Variants in NRG3 observed in about 807,000 individuals in gnomAD.
NRG3 encodes neuregulin 3.
Under a neutral mutation model 66.9 loss-of-function variants are expected in NRG3, and 31 were observed. That is an observed-to-expected ratio of 0.46 (90% CI 0.35 to 0.63). The LOEUF (loss-of-function observed/expected upper bound fraction) is 0.63, where lower values mean the gene tolerates loss of function less well. Among genes scored for constraint, NRG3 ranks in the 20% least tolerant of loss-of-function variants. The pLI is 0.00. For missense variants in NRG3, 910 were observed against 878.9 expected (o/e 1.04, Z -0.45); for synonymous variants, 393 against 359.4 (o/e 1.09, Z -1.06).
At chr10:82,188,137 G>A (rs2073919721) in intron 1 of NRG3, among the ~76,000 whole-genome samples, 1 of 152,072 alleles carries the variant, frequency 6.6e-6, no homozygotes, top group African/African-American at 2.4e-5. Flanking sequence ...GAACAGAATA[G>A]AGAGCCCAGA....
intron 4 of NRG3, among the ~76,000 whole-genome samples, chr10:82,881,509 A>G (rs1842295910): frequency 6.6e-6 from 1 of 152,180 alleles, no homozygotes. Context: ...CAAGATGTCT[A>G]TCTTCTAGAG....
chr10:82,088,277 A>C (rs1236970840), intron 1 of NRG3, among the ~76,000 whole-genome samples: 1 of 151,614 alleles, frequency 6.6e-6, no homozygotes, highest in Non-Finnish European at 1.5e-5. Flanking sequence ...GCCTACTTGG[A>C]CTGTGATTTC....
At chr10:82,104,024 C>A (rs11192515) in intron 1 of NRG3, among the ~76,000 whole-genome samples, 9,267 of 151,278 alleles carry the variant, frequency 0.061, 427 homozygotes, top group East Asian at 0.24. Flanking sequence ...AATTAGTCCA[C>A]CCTCATGTCA....
intron 1 of NRG3, chr10:82,340,993 A>G (rs1410926705): frequency 6.6e-6 from 1 of 152,148 alleles, no homozygotes; most frequent in African/African-American, 2.4e-5. Context: ...GTGTAATAGG[A>G]TTGTTTGTAA....
intron 1 of NRG3, among the ~76,000 whole-genome samples, chr10:82,074,106 A>G (rs1293147821): frequency 6.6e-6 from 1 of 151,712 alleles, no homozygotes; most frequent in Admixed American, 6.6e-5. Context: ...TTTGGGAATG[A>G]AGGACAACGT....
chr10:82,722,519 A>G (rs1246986593), intron 2 of NRG3, among the ~76,000 whole-genome samples: 8 of 152,126 alleles, frequency 5.3e-5, no homozygotes, highest in Non-Finnish European at 1.5e-5. Context: ...TTAAAAATGC[A>G]AAAAAATATA....
At chr10:82,850,742 G>A (rs1176290179) in intron 3 of NRG3, among the ~76,000 whole-genome samples, 2 of 133,568 alleles carry the variant, frequency 1.5e-5, no homozygotes, top group Non-Finnish European at 3.3e-5. Context: ...TAAAAACACA[G>A]AAGTTTAAAA....
chr10:82,206,154 A>G (rs1490449493), intron 1 of NRG3, among the ~76,000 whole-genome samples: 1 of 152,006 alleles, frequency 6.6e-6, no homozygotes, highest in African/African-American at 2.4e-5. Flanking sequence ...TACCACCTTA[A>G]TCTCTCCTGC....
intron 1 of NRG3, among the ~76,000 whole-genome samples, chr10:81,907,155 G>A (rs12259154): frequency 0.077 from 11,718 of 152,082 alleles, 1,000 homozygotes; most frequent in East Asian, 0.22. Flanking sequence ...CACCTGATCT[G>A]TTTCTAGGAG....
rs148312690 is a variant in NRG3, at chr10:82,074,219, C to T, written c.823+198056C>T. On this transcript the variant is annotated intron_variant, in intron 1 of 8. Coordinates refer to ENST00000372141, the MANE Select transcript of NRG3 (RefSeq NM_001010848.4). The stretch of plus-strand genomic sequence containing the variant: ...TGAATTTCTGGGGTGGGGTGTTCCA[C>T]GTGAGGTTCTAAGGCAGAATCATCC... Among the ~76,000 whole-genome samples the T allele has an allele frequency of 3.0e-4, 45 of 152,086 alleles. No homozygotes were observed. The East Asian group carries it at 6.0e-3, about 20-fold the overall frequency.
At chr10:82,161,525 G>A (rs1229559037) in intron 1 of NRG3, among the ~76,000 whole-genome samples, 2 of 152,054 alleles carry the variant, frequency 1.3e-5, no homozygotes, top group Non-Finnish European at 2.9e-5. Flanking sequence ...TAGACATGCC[G>A]AGGTAGATAT....
chr10:82,891,883 GAATT>G (rs1843180079), intron 4 of NRG3, among the ~76,000 whole-genome samples: 1 of 151,918 alleles, frequency 6.6e-6, no homozygotes, highest in Non-Finnish European at 1.5e-5. Context: ...AATTTACCTT[GAATT>G]ATGATTTTGC....
intron 3 of NRG3, among the ~76,000 whole-genome samples, chr10:82,837,740 G>A (rs490164): frequency 0.18 from 27,053 of 152,010 alleles, 2,724 homozygotes; most frequent in African/African-American, 0.29. Flanking sequence ...TAATGCTGTT[G>A]AGAAAAAGAA....
In NRG3 at chr10:82,398,524, T is replaced by TGAGAGA. The variant is rs1488757627; in HGVS notation, c.953+39657_953+39658insAGAGAG. On this transcript the variant is annotated intron_variant, in intron 2 of 8. Transcript: ENST00000372141. ...GTGTGTGTGTGTGTGTGTGTGTGTG[T>TGAGAGA]GTGAGAGAGAGAGAGAGAGAGTATG... is the stretch of plus-strand genomic sequence containing the variant. Among the ~76,000 whole-genome samples the TGAGAGA allele has an allele frequency of 7.1e-3, 1,007 of 141,120 alleles. 10 individuals carry two copies. Among genetic ancestry groups the TGAGAGA allele is most frequent in the African/African-American group, 0.024 (877 of 37,064 alleles). The allele number at this position is 141,120 out of a possible 152,430, so 92.6% of individuals were successfully genotyped here. A position where few individuals can be genotyped will look rare whatever the true frequency, so the allele number is the denominator to read the frequency against.
At chr10:82,048,914 G>A (rs967503016) in intron 1 of NRG3, among the ~76,000 whole-genome samples, 1 of 151,738 alleles carries the variant, frequency 6.6e-6, no homozygotes, top group Non-Finnish European at 1.5e-5. Context: ...ATGATAAAGG[G>A]GATATCACCA....
chr10:82,107,024 A>C (rs1422755680), intron 1 of NRG3, among the ~76,000 whole-genome samples: 1 of 152,230 alleles, frequency 6.6e-6, no homozygotes, highest in East Asian at 1.9e-4. Flanking sequence ...GAGGAGCTAG[A>C]CATGGGCACA....
chr10:82,308,983 A>G (rs1370282947), intron 1 of NRG3, among the ~76,000 whole-genome samples: 4 of 152,182 alleles, frequency 2.6e-5, no homozygotes, highest in Admixed American at 2.0e-4. Flanking sequence ...TCACTGGTTT[A>G]TCTCTCCCTC....
intron 3 of NRG3, among the ~76,000 whole-genome samples, chr10:82,772,127 T>C (rs1591475260): frequency 6.6e-6 from 1 of 152,106 alleles, no homozygotes; most frequent in East Asian, 1.9e-4. Context: ...GGTAAGCTAA[T>C]TTTATTCTTT....
chr10:82,563,062 A>C (rs2045157492), intron 2 of NRG3, among the ~76,000 whole-genome samples: 1 of 152,144 alleles, frequency 6.6e-6, no homozygotes, highest in African/African-American at 2.4e-5. Context: ...GTGTATACCC[A>C]CGTATATAAT....
Sources: gnomAD v4.1 joint callset for allele counts (sites outside exome capture counted in the v4.1 genomes callset) on GRCh38, gnomAD v4.1.1 for gene constraint, MANE v1.5 for transcripts, NCBI Gene and HGNC (gene_info 2026-07-23, HGNC 2026-07-21) for gene names.